Variants in COL25A1 observed in about 807,000 individuals in gnomAD.
COL25A1 encodes collagen type XXV alpha 1 chain.
In COL25A1, 103 loss-of-function variants were observed where a neutral mutation model predicts 128.4. That is an observed-to-expected ratio of 0.80 (90% CI 0.68 to 0.94). The LOEUF (loss-of-function observed/expected upper bound fraction) is 0.94. Among genes scored for constraint, COL25A1 ranks in the 40% least tolerant of loss-of-function variants. The probability of loss-of-function intolerance (pLI) is 0.00; values close to 1 mark genes in which losing one functional copy is unlikely to be tolerated. For missense variants in COL25A1, 745 were observed against 840.0 expected (o/e 0.89, Z 1.40); for synonymous variants, 279 against 277.2 (o/e 1.01, Z -0.06).
chr4:109,223,934 C>T (rs537872944), intron 3 of COL25A1, among the ~76,000 whole-genome samples: 2 of 152,036 alleles, frequency 1.3e-5, no homozygotes, highest in Non-Finnish European at 2.9e-5. Flanking sequence ...AGAAGTATAC[C>T]TATATCTACC....
At chr4:108,833,205 C>G (rs1733374576) in intron 31 of COL25A1, among the ~76,000 whole-genome samples, 1 of 152,148 alleles carries the variant, frequency 6.6e-6, no homozygotes. Context: ...CAGTGTGTAA[C>G]TGTTCAATCC....
intron 6 of COL25A1, among the ~76,000 whole-genome samples, chr4:108,998,064 C>T (rs1049473645): frequency 2.0e-5 from 3 of 152,172 alleles, no homozygotes; most frequent in African/African-American, 7.2e-5. Flanking sequence ...AAAACTGGCA[C>T]AAGACAAGAA....
chr4:109,270,109 T>C (rs985777957), intron 3 of COL25A1, among the ~76,000 whole-genome samples: 44 of 152,134 alleles, frequency 2.9e-4, no homozygotes, highest in African/African-American at 1.1e-3. Context: ...CCACAGCCAA[T>C]ATCATACTGA....
rs898590575 is a variant in COL25A1 at position 109,010,491 on chromosome 4, T to A, written c.421-116A>T. The stretch of plus-strand genomic sequence containing the variant: ...TTCACAAATATTTCTGAAGATAATA[T>A]CCTAACTACTGACAGATTTCACTTG... On this transcript the variant is annotated intron_variant, in intron 5 of 37. Coordinates refer to ENST00000399132, the MANE Select transcript of COL25A1 (RefSeq NM_198721.4). 3 of 687,162 alleles carry A rather than the reference T, an allele frequency of 4.4e-6. No individual in the cohort carries two copies. In the Admixed American group the frequency reaches 1.1e-4, roughly 24 times the overall value. 42.6% of individuals were successfully genotyped at this position (687,162 alleles called of 1,614,324 possible).
intron 3 of COL25A1, among the ~76,000 whole-genome samples, chr4:109,127,615 A>T (rs1324862811): frequency 6.6e-6 from 1 of 152,114 alleles, no homozygotes; most frequent in Admixed American, 6.6e-5. Context: ...AGTGTGAGCC[A>T]CCGCGCCTGG....
At chr4:109,113,616 T>G (rs966557894) in intron 3 of COL25A1, among the ~76,000 whole-genome samples, 1 of 135,768 alleles carries the variant, frequency 7.4e-6, no homozygotes, top group Non-Finnish European at 1.6e-5. Flanking sequence ...TAGCTGTTTA[T>G]GGTAAATTGG....
intron 3 of COL25A1, among the ~76,000 whole-genome samples, chr4:109,272,492 T>C (rs1242696746): frequency 6.6e-6 from 1 of 152,192 alleles, no homozygotes; most frequent in African/African-American, 2.4e-5. Context: ...TATGAGAGTA[T>C]TAGCTAAGAT....
Position 108,928,177 on chromosome 4 carries a change from A to T in COL25A1, c.709-7573T>A, listed in dbSNP as rs569017593. ...ACAAAGGCCTATCACCCTACACTAC[A>T]CTCAGTAAAAAATATTTCCATTGAG... On this transcript the variant is annotated intron_variant, in intron 11 of 37. Transcript: ENST00000399132. 5.3e-5 allele frequency among the ~76,000 whole-genome samples: 8 copies of T among 152,268 alleles called. No individual in the cohort carries two copies. In the South Asian group the frequency reaches 1.7e-3, roughly 32 times the overall value.
intron 4 of COL25A1, 76 bp from the exon 5 acceptor site, chr4:109,048,251 A>G: frequency 1.5e-6 from 2 of 1,356,956 alleles, no homozygotes; most frequent in South Asian, 1.2e-5. Flanking sequence ...ATCAAACAAA[A>G]GATATGAGCA....
rs999201405 is a variant in COL25A1, at chr4:108,849,071, G to A, written c.1390-268C>T. On this transcript the variant is annotated intron_variant, in intron 26 of 37. Coordinates refer to ENST00000399132, the MANE Select transcript of COL25A1 (RefSeq NM_198721.4). Reference sequence around the variant, plus strand: ...TGTGAGATGCAGGCTAAAAAAGAGTGGTCAAGGAAAACTGATAGACACAAT... The same window carrying A: ...TGTGAGATGCAGGCTAAAAAAGAGTAGTCAAGGAAAACTGATAGACACAAT... Among the ~76,000 whole-genome samples the A allele has an allele frequency of 1.3e-4, 20 of 151,988 alleles. No homozygotes were observed. The East Asian group carries it at 2.9e-3, about 22-fold the overall frequency.
intron 36 of COL25A1, 77 bp from the exon 37 acceptor site, chr4:108,817,512 C>T: frequency 7.2e-7 from 1 of 1,382,684 alleles, no homozygotes; most frequent in South Asian, 1.3e-5. Context: ...TGCTCAGAGG[C>T]TTAAAAATAA....
chr4:108,991,224 A>G (rs763323016), intron 6 of COL25A1, among the ~76,000 whole-genome samples: 3 of 152,176 alleles, frequency 2.0e-5, no homozygotes, highest in Non-Finnish European at 4.4e-5. Context: ...ATTGAGAGGA[A>G]TATATTAGAA....
intron 8 of COL25A1, among the ~76,000 whole-genome samples, chr4:108,955,345 G>A (rs1749949132): frequency 1.3e-5 from 2 of 151,964 alleles, no homozygotes; most frequent in South Asian, 4.1e-4. Context: ...TGTTGGGGAA[G>A]TTAATGTTGG....
At chr4:109,038,610 A>C (rs1759574536) in intron 5 of COL25A1, among the ~76,000 whole-genome samples, 1 of 152,200 alleles carries the variant, frequency 6.6e-6, no homozygotes, top group Non-Finnish European at 1.5e-5. Context: ...CATGCCAGCA[A>C]TACAGTGTAG....
chr4:109,053,516 G>T (rs2125948264), intron 3 of COL25A1, among the ~76,000 whole-genome samples: 1 of 152,260 alleles, frequency 6.6e-6, no homozygotes, highest in East Asian at 1.9e-4. Flanking sequence ...GCCCTCACAT[G>T]ATCGTGAGGG....
intron 3 of COL25A1, among the ~76,000 whole-genome samples, chr4:109,266,563 TAA>T (rs1352843208): frequency 6.6e-6 from 1 of 151,946 alleles, no homozygotes; most frequent in African/African-American, 2.4e-5. Flanking sequence ...GATGTACTAA[TAA>T]TCTAGGACAG....
intron 16 of COL25A1, among the ~76,000 whole-genome samples, chr4:108,894,429 A>G (rs980604539): frequency 1.3e-5 from 2 of 152,290 alleles, no homozygotes; most frequent in Non-Finnish European, 1.5e-5. Flanking sequence ...GTTGGTAACT[A>G]TGGCCAAATT....
Position 109,007,958 on chromosome 4 carries a change from T to C in COL25A1, c.438+2400A>G, listed in dbSNP as rs149581336. ...AGATTTACTATGACTGTGTTTCTTT[T>C]TACAGTTACTCTCTTTAGTATCTTA... On this transcript the variant is annotated intron_variant, in intron 6 of 37. Coordinates refer to ENST00000399132, the MANE Select transcript of COL25A1 (RefSeq NM_198721.4). 1.3e-4 allele frequency among the ~76,000 whole-genome samples: 20 copies of C among 152,344 alleles called. No individual in the cohort carries two copies. In the South Asian group the frequency reaches 3.9e-3, roughly 30 times the overall value.
intron 3 of COL25A1, among the ~76,000 whole-genome samples, chr4:109,209,220 G>A (rs1777294921): frequency 6.6e-6 from 1 of 152,062 alleles, no homozygotes; most frequent in African/African-American, 2.4e-5. Flanking sequence ...TACATATTCA[G>A]AATAAGCTAG....
Sources: allele counts gnomAD v4.1 joint callset (sites outside exome capture counted in the v4.1 genomes callset), GRCh38; gene constraint gnomAD v4.1.1; transcripts MANE v1.5; gene names NCBI Gene and HGNC (gene_info 2026-07-23, HGNC 2026-07-21).